Variants in PRELID2 observed in about 807,000 individuals in gnomAD.
The protein encoded by PRELID2 is PRELI domain-containing protein 2.
PRELID2 carries 25 observed loss-of-function variants against 28.4 expected under a neutral mutation model. The observed-to-expected ratio is 0.88, with a 90% CI of 0.64 to 1.23. The LOEUF (loss-of-function observed/expected upper bound fraction) is 1.23. PRELID2 is among the 50% of genes most tolerant of loss of function. The pLI, the probability that PRELID2 is intolerant of heterozygous loss-of-function variation, is 0.00. For missense variants in PRELID2, 201 were observed against 214.4 expected, an observed-to-expected ratio of 0.94 and a Z score of 0.39; for synonymous variants, 76 against 71.6, an observed-to-expected ratio of 1.06 and a Z score of -0.31.
chr5:145,677,919 T>C (rs74585100), intron 1 of PRELID2, among the ~76,000 whole-genome samples: 2,005 of 152,230 alleles, frequency 0.013, 43 homozygotes, highest in African/African-American at 0.047. Flanking sequence ...GGAGAAGTTG[T>C]GGGACAGGCA....
intron 1 of PRELID2, among the ~76,000 whole-genome samples, chr5:145,678,995 C>T (rs1754879377): frequency 6.6e-6 from 1 of 152,146 alleles, no homozygotes; most frequent in Non-Finnish European, 1.5e-5. Flanking sequence ...TTTCCTTGGA[C>T]AGAAATTGAA....
intron 6 of PRELID2, 103 bp downstream of exon 6, chr5:145,764,828 T>G: frequency 1.3e-6 from 1 of 762,114 alleles, no homozygotes; most frequent in South Asian, 1.5e-5. Flanking sequence ...AACTGGGAAA[T>G]GTGCAGCGTG....
intron 5 of PRELID2, among the ~76,000 whole-genome samples, chr5:145,767,683 G>A (rs1757851405): frequency 6.6e-6 from 1 of 152,130 alleles, no homozygotes; most frequent in Non-Finnish European, 1.5e-5. Flanking sequence ...TCCCCCTTTT[G>A]CAAGGGGTTG....
intron 1 of PRELID2, 48 bp from the exon 2 acceptor site, chr5:145,823,182 G>T: frequency 1.0e-6 from 1 of 952,900 alleles, no homozygotes; most frequent in Non-Finnish European, 1.7e-6. Context: ...TTCTACCAAG[G>T]TGAACTATTT....
intron 1 of PRELID2, among the ~76,000 whole-genome samples, chr5:145,683,350 T>C (rs1211135550): frequency 2.6e-5 from 4 of 152,104 alleles, no homozygotes; most frequent in Non-Finnish European, 4.4e-5. Context: ...AACATGATAG[T>C]CCAAAAAATA....
intron 1 of PRELID2, among the ~76,000 whole-genome samples, chr5:145,497,529 G>C (rs1019137343): frequency 6.6e-6 from 1 of 152,126 alleles, no homozygotes. Context: ...AATGTTTACA[G>C]TGTTTTTCAG....
At chr5:145,381,303 T>C in the PRELID2 span, among the ~76,000 whole-genome samples, 1 of 152,142 alleles carries the variant, frequency 6.6e-6, no homozygotes, top group Non-Finnish European at 1.5e-5. Context: ...CTTCAGAACT[T>C]TCAGAGAGGC....
At chr5:145,574,491 G>A (rs907060343) in intron 1 of PRELID2, among the ~76,000 whole-genome samples, 1 of 152,186 alleles carries the variant, frequency 6.6e-6, no homozygotes, top group Non-Finnish European at 1.5e-5. Context: ...CCACTCTGAG[G>A]TGATGGCACT....
the PRELID2 span, among the ~76,000 whole-genome samples, chr5:145,345,404 T>C: frequency 3.2e-4 from 48 of 152,008 alleles, no homozygotes; most frequent in African/African-American, 1.1e-3. Context: ...CAAACTCACC[T>C]ATAATTGGAA....
At chr5:145,357,844 C>T in the PRELID2 span, among the ~76,000 whole-genome samples, 1 of 151,828 alleles carries the variant, frequency 6.6e-6, no homozygotes, top group African/African-American at 2.4e-5. Flanking sequence ...GCCAGAGATC[C>T]CATGCTAGTT....
intron 5 of PRELID2, among the ~76,000 whole-genome samples, chr5:145,787,987 G>A (rs920653222): frequency 6.6e-6 from 1 of 152,092 alleles, no homozygotes; most frequent in African/African-American, 2.4e-5. Flanking sequence ...AATGAAAAAA[G>A]GGTTGAGAAA....
intron 1 of PRELID2, among the ~76,000 whole-genome samples, chr5:145,551,316 G>T (rs180697744): frequency 6.6e-6 from 1 of 152,032 alleles, no homozygotes; most frequent in East Asian, 1.9e-4. Flanking sequence ...CAGGAGAATC[G>T]CTTGAACCCA....
intron 1 of PRELID2, among the ~76,000 whole-genome samples, chr5:145,701,945 G>A (rs1204175477): frequency 2.6e-5 from 4 of 152,006 alleles, no homozygotes; most frequent in Non-Finnish European, 5.9e-5. Context: ...CAGGTACTCG[G>A]GAGGCCAAGA....
chr5:145,802,794 T>C (rs1470337909), intron 4 of PRELID2, among the ~76,000 whole-genome samples: 3 of 152,188 alleles, frequency 2.0e-5, no homozygotes, highest in Non-Finnish European at 4.4e-5. Context: ...AACACCTTTG[T>C]GAAAATGAAG....
At chr5:145,495,448 A>T (rs1408962662) in intron 1 of PRELID2, among the ~76,000 whole-genome samples, 1 of 152,162 alleles carries the variant, frequency 6.6e-6, no homozygotes, top group Non-Finnish European at 1.5e-5. Flanking sequence ...CAAGACTAAC[A>T]TCTCTAACTT....
the PRELID2 span, among the ~76,000 whole-genome samples, chr5:145,372,033 G>T: frequency 4.0e-5 from 6 of 151,826 alleles, no homozygotes; most frequent in Admixed American, 1.3e-4. Flanking sequence ...TTTTAATTGT[G>T]ATGTTAGTGT....
At chr5:145,735,807 T>G (rs1255468361) in intron 1 of PRELID2, among the ~76,000 whole-genome samples, 2 of 152,168 alleles carry the variant, frequency 1.3e-5, no homozygotes, top group Non-Finnish European at 2.9e-5. Context: ...TGGAAGTGCT[T>G]AATCAACTAA....
intron 4 of PRELID2, among the ~76,000 whole-genome samples, chr5:145,816,583 A>T (rs371736834): frequency 1.3e-5 from 2 of 152,132 alleles, no homozygotes; most frequent in African/African-American, 4.8e-5. Context: ...TAGGTATTTG[A>T]TCTATTTTGA....
intron 4 of PRELID2, among the ~76,000 whole-genome samples, chr5:145,803,173 G>T (rs1314628553): frequency 6.6e-6 from 1 of 152,150 alleles, no homozygotes; most frequent in African/African-American, 2.4e-5. Context: ...GGGTCTTCAA[G>T]TCAGACTGCC....
Sources: gnomAD v4.1 joint callset for allele counts (sites outside exome capture counted in the v4.1 genomes callset) on GRCh38, gnomAD v4.1.1 for gene constraint, MANE v1.5 for transcripts, NCBI Gene and HGNC (gene_info 2026-07-23, HGNC 2026-07-21) for gene names.